ZDHHC14: variants seen among roughly 807,000 people sequenced by gnomAD.
ZDHHC14 encodes the protein zDHHC palmitoyltransferase 14.
A neutral mutation model predicts 47.7 loss-of-function variants in ZDHHC14; 16 were observed. That is an observed-to-expected ratio of 0.34 (90% CI 0.23 to 0.51). ZDHHC14 has a LOEUF of 0.51. ZDHHC14 is among the 20% of genes least tolerant of loss of function. The probability of loss-of-function intolerance (pLI) is 0.97; values close to 1 mark genes in which losing one functional copy is unlikely to be tolerated. For synonymous variants in ZDHHC14, 293 were observed against 278.9 expected, an observed-to-expected ratio of 1.05 and a Z score of -0.50; for missense variants, 515 against 662.5, an observed-to-expected ratio of 0.78 and a Z score of 2.44.
rs768063106 is a variant in ZDHHC14, at chr6:157,536,819, CT to C, written c.246-5749del. On this transcript the variant is annotated intron_variant, in intron 1 of 8. Transcript: ENST00000359775. ...TCTGTCTATCTATCCCTCCATCTAT[CT>C]TTTTTTTTTTTTTTTTGAGACAGAG... 1.1e-3 allele frequency among the ~76,000 whole-genome samples: 110 copies of C among 97,984 alleles called. 11 individuals carry two copies. Among genetic ancestry groups the C allele is most frequent in the African/African-American group, 3.4e-3 (53 of 15,642 alleles). 64.3% of individuals were successfully genotyped at this position (97,984 alleles called of 152,430 possible).
chr6:157,504,084 A>G (rs1388062175), intron 1 of ZDHHC14, among the ~76,000 whole-genome samples: 1 of 152,230 alleles, frequency 6.6e-6, no homozygotes, highest in Non-Finnish European at 1.5e-5. Context: ...AATGTTCAAG[A>G]AAAAGGGAAC....
At chr6:157,626,679 A>G (rs1472058276) in intron 3 of ZDHHC14, among the ~76,000 whole-genome samples, 2 of 152,136 alleles carry the variant, frequency 1.3e-5, no homozygotes, top group Non-Finnish European at 2.9e-5. Flanking sequence ...CATCACTATC[A>G]TGCAACGTCC....
intron 2 of ZDHHC14, among the ~76,000 whole-genome samples, chr6:157,587,636 C>A (rs571918453): frequency 6.6e-6 from 1 of 152,350 alleles, no homozygotes; most frequent in East Asian, 1.9e-4. Flanking sequence ...GCTTCTTCCT[C>A]CTGCCATTGC....
Position 157,382,800 on chromosome 6 carries a change from G to T in ZDHHC14, c.245+534G>T, listed in dbSNP as rs562019442. Among the ~76,000 whole-genome samples the T allele has an allele frequency of 6.6e-5, 10 of 152,336 alleles. No homozygotes were observed. In the South Asian group the frequency reaches 1.4e-3, roughly 22 times the overall value. On this transcript the variant is annotated intron_variant, in intron 1 of 8. Coordinates refer to ENST00000359775, the MANE Select transcript of ZDHHC14 (RefSeq NM_024630.3). ...TATTTCAGGTTTCAAAGTGTCGGCT[G>T]CCTAGTGTGCCCTGGATAGATCATT...
At chr6:157,500,796 G>A (rs1304947106) in intron 1 of ZDHHC14, among the ~76,000 whole-genome samples, 3 of 152,182 alleles carry the variant, frequency 2.0e-5, no homozygotes, top group Non-Finnish European at 4.4e-5. Context: ...TCACTTAAAA[G>A]TTTAAAACAT....
intron 1 of ZDHHC14, among the ~76,000 whole-genome samples, chr6:157,401,108 G>T (rs1254992707): frequency 6.6e-6 from 1 of 152,198 alleles, no homozygotes; most frequent in Non-Finnish European, 1.5e-5. Context: ...TTCATTAGCT[G>T]CCTTCATTAT....
intron 1 of ZDHHC14, among the ~76,000 whole-genome samples, chr6:157,440,041 A>C (rs559137238): frequency 2.6e-5 from 4 of 152,252 alleles, no homozygotes; most frequent in Non-Finnish European, 5.9e-5. Flanking sequence ...GCATCAGGAA[A>C]AATGGCTAAT....
intron 1 of ZDHHC14, among the ~76,000 whole-genome samples, chr6:157,461,668 C>T (rs911418696): frequency 6.6e-6 from 1 of 152,170 alleles, no homozygotes; most frequent in Non-Finnish European, 1.5e-5. Context: ...ACATATTCTC[C>T]TTCTAGATAG....
intron 1 of ZDHHC14, among the ~76,000 whole-genome samples, chr6:157,534,792 T>C (rs1276682131): frequency 1.3e-5 from 2 of 151,856 alleles, no homozygotes; most frequent in Non-Finnish European, 2.9e-5. Flanking sequence ...GGTTTCGCCA[T>C]GTTGCCCAGG....
At chr6:157,523,596 C>G (rs1290599596) in intron 1 of ZDHHC14, among the ~76,000 whole-genome samples, 3 of 151,976 alleles carry the variant, frequency 2.0e-5, no homozygotes, top group Non-Finnish European at 4.4e-5. Flanking sequence ...ACTTTAAATT[C>G]ATTAAAAAAC....
intron 2 of ZDHHC14, among the ~76,000 whole-genome samples, chr6:157,581,144 G>A (rs937165679): frequency 6.6e-6 from 1 of 152,052 alleles, no homozygotes; most frequent in African/African-American, 2.4e-5. Context: ...TAGTTGCAAA[G>A]AACTTCTTGA....
At position 157,673,510 on chromosome 6, in the gene ZDHHC14, T is replaced by G; in HGVS notation, c.*388T>G. ...ATGCTACTAATATTTGAAACAGACC[T>G]GCCATTCCATTTGTTAATTAAAAAA... is the stretch of plus-strand genomic sequence containing the variant. On this transcript the variant is annotated 3_prime_UTR_variant, in exon 9 of 9. Transcript: ENST00000359775. This position sits in a 1 kb window ranked among gnomAD's most constrained non-coding sequence, Gnocchi z 5.4. The G allele has an allele frequency of 5.3e-6, 1 of 188,244 alleles. No individual in the cohort carries two copies. Among genetic ancestry groups the G allele is most frequent in the Non-Finnish European group, 1.1e-5 (1 of 93,546 alleles). The allele number at this position is 188,244 out of a possible 1,614,324, so 11.7% of individuals were successfully genotyped here.
intron 1 of ZDHHC14, among the ~76,000 whole-genome samples, chr6:157,445,718 A>G (rs1199722523): frequency 1.3e-5 from 2 of 152,188 alleles, no homozygotes; most frequent in Non-Finnish European, 2.9e-5. Flanking sequence ...AAACTACTAT[A>G]TTTAGACGCA....
chr6:157,423,127 TTGA>T (rs1405839790), intron 1 of ZDHHC14, among the ~76,000 whole-genome samples: 1 of 152,218 alleles, frequency 6.6e-6, no homozygotes, highest in Non-Finnish European at 1.5e-5. Context: ...GTTATTGTTG[TTGA>T]TATTCCTTAG....
intron 7 of ZDHHC14, among the ~76,000 whole-genome samples, chr6:157,650,313 G>C (rs1179132686): frequency 6.6e-6 from 1 of 152,122 alleles, no homozygotes; most frequent in African/African-American, 2.4e-5. Flanking sequence ...CGAGGGTGAG[G>C]GTCCTGGCTC....
intron 1 of ZDHHC14, among the ~76,000 whole-genome samples, chr6:157,383,229 C>T (rs1777249228): frequency 6.6e-6 from 1 of 152,190 alleles, no homozygotes; most frequent in Non-Finnish European, 1.5e-5. Flanking sequence ...TGGAATGCAA[C>T]TCCTTATGTA....
At chr6:157,628,049 G>A (rs984751365) in intron 3 of ZDHHC14, among the ~76,000 whole-genome samples, 2 of 152,210 alleles carry the variant, frequency 1.3e-5, no homozygotes, top group Non-Finnish European at 2.9e-5. Context: ...ACCAAAGAGA[G>A]GAATCTTTAC....
chr6:157,553,701 C>G (rs1782340532), intron 2 of ZDHHC14, among the ~76,000 whole-genome samples: 1 of 152,112 alleles, frequency 6.6e-6, no homozygotes, highest in Admixed American at 6.5e-5. Flanking sequence ...CCTCTGTGCC[C>G]TGGAAAACTT....
At chr6:157,496,602 A>T (rs1780071613) in intron 1 of ZDHHC14, among the ~76,000 whole-genome samples, 1 of 152,148 alleles carries the variant, frequency 6.6e-6, no homozygotes, top group Admixed American at 6.5e-5. Flanking sequence ...TAATGTGAAG[A>T]CCCATAGGGA....
Sources: allele counts gnomAD v4.1 joint callset (sites outside exome capture counted in the v4.1 genomes callset), GRCh38; gene constraint gnomAD v4.1.1; non-coding constraint Gnocchi (gnomAD v3.1); transcripts MANE v1.5; gene names NCBI Gene and HGNC (gene_info 2026-07-23, HGNC 2026-07-21).